Variants in ERBB4 observed in about 807,000 individuals in gnomAD.
ERBB4 encodes receptor tyrosine-protein kinase erbB-4.
Under a neutral mutation model 158.0 loss-of-function variants are expected in ERBB4, and 42 were observed. The ratio of observed to expected loss-of-function variants is 0.27; its 90% CI spans 0.21 to 0.34. The LOEUF (loss-of-function observed/expected upper bound fraction) is 0.34. ERBB4 is among the 10% of genes least tolerant of loss of function. The pLI, the probability that ERBB4 is intolerant of heterozygous loss-of-function variation, is 1.00. For missense variants in ERBB4, 1,333 were observed against 1,624.1 expected (o/e 0.82, Z 3.08); for synonymous variants, 583 against 558.7 (o/e 1.04, Z -0.61).
At chr2:211,483,425 TGTAA>T (rs2065131765) in intron 20 of ERBB4, among the ~76,000 whole-genome samples, 1 of 152,152 alleles carries the variant, frequency 6.6e-6, no homozygotes, top group South Asian at 2.1e-4. Flanking sequence ...AATTGCTTAA[TGTAA>T]GTAATAAAGA....
At chr2:211,920,208 C>T (rs560536821) in intron 3 of ERBB4, among the ~76,000 whole-genome samples, 1 of 152,086 alleles carries the variant, frequency 6.6e-6, no homozygotes, top group Non-Finnish European at 1.5e-5. Context: ...ATATGTCCAT[C>T]TCTGAAACAG....
At chr2:212,372,641 C>T (rs572545790) in intron 1 of ERBB4, among the ~76,000 whole-genome samples, 1 of 152,052 alleles carries the variant, frequency 6.6e-6, no homozygotes, top group Non-Finnish European at 1.5e-5. Flanking sequence ...CCCAGGTACT[C>T]GGGAGGCTGA....
At chr2:211,411,028 C>T (rs112692572) in intron 25 of ERBB4, among the ~76,000 whole-genome samples, 9,564 of 152,256 alleles carry the variant, frequency 0.063, 351 homozygotes, top group African/African-American at 0.1. Context: ...CTTGCCTCAG[C>T]CTCCTGAGTA....
At chr2:211,612,448 C>G (rs998953959) in intron 19 of ERBB4, among the ~76,000 whole-genome samples, 3 of 151,554 alleles carry the variant, frequency 2.0e-5, no homozygotes, top group African/African-American at 7.3e-5. Flanking sequence ...TTTCTGAGTA[C>G]TATTAGTAAG....
chr2:212,101,824 C>A (rs574955093), intron 2 of ERBB4, among the ~76,000 whole-genome samples: 3 of 151,642 alleles, frequency 2.0e-5, no homozygotes, highest in Non-Finnish European at 4.4e-5. Flanking sequence ...CTTCCTCTCC[C>A]GCTGGAAGCT....
intron 20 of ERBB4, among the ~76,000 whole-genome samples, chr2:211,538,830 T>C (rs1413442504): frequency 6.6e-6 from 1 of 151,840 alleles, no homozygotes; most frequent in Non-Finnish European, 1.5e-5. Flanking sequence ...AATATGAATA[T>C]GTGTATGTTG....
chr2:211,438,065 A>C (rs946039509), intron 20 of ERBB4, among the ~76,000 whole-genome samples: 2 of 152,208 alleles, frequency 1.3e-5, no homozygotes, highest in Admixed American at 1.3e-4. Flanking sequence ...AAGCTGGTTC[A>C]TGGCAGAATA....
intron 2 of ERBB4, among the ~76,000 whole-genome samples, chr2:211,953,493 A>G (rs938985121): frequency 6.6e-6 from 1 of 151,022 alleles, no homozygotes; most frequent in African/African-American, 2.4e-5. Context: ...AAAAAGAAGA[A>G]GAAGAATGCC....
chr2:212,352,971 A>T (rs968654872), intron 1 of ERBB4, among the ~76,000 whole-genome samples: 1 of 152,134 alleles, frequency 6.6e-6, no homozygotes, highest in Non-Finnish European at 1.5e-5. Context: ...CTCTAAACCA[A>T]CGAAAATGAA....
intron 1 of ERBB4, among the ~76,000 whole-genome samples, chr2:212,272,176 G>T (rs2085366418): frequency 6.6e-6 from 1 of 151,436 alleles, no homozygotes; most frequent in Admixed American, 6.6e-5. Flanking sequence ...ATTTATATCT[G>T]CCTGTATATT....
intron 1 of ERBB4, among the ~76,000 whole-genome samples, chr2:212,324,821 A>C (rs1415536876): frequency 6.6e-6 from 1 of 150,380 alleles, no homozygotes; most frequent in Non-Finnish European, 1.5e-5. Flanking sequence ...GAATTTATGG[A>C]AGATGAACTT....
At position 212,166,494 on chromosome 2, in the gene ERBB4, G is replaced by A. The variant is rs978400209; in HGVS notation, c.83-41591C>T. Among the ~76,000 whole-genome samples, 35 of 151,158 alleles carry A rather than the reference G, an allele frequency of 2.3e-4. 1 individual carries two copies. Among genetic ancestry groups the A allele is most frequent in the Admixed American group, 1.8e-3 (28 of 15,136 alleles). On this transcript the variant is annotated intron_variant, in intron 1 of 27. Coordinates refer to ENST00000342788, the MANE Select transcript of ERBB4 (RefSeq NM_005235.3). Reference sequence around the variant, plus strand: ...CATGGATAGGAAGAATCGGTCTCATGAAAATGGTTATACTGCCCAAAGTAA... The same window carrying A: ...CATGGATAGGAAGAATCGGTCTCATAAAAATGGTTATACTGCCCAAAGTAA...
Position 211,384,070 on chromosome 2 carries a change from T to TA in ERBB4, c.3482-11dup, listed in dbSNP as rs781195111. The TA allele has an allele frequency of 1.9e-6, 3 of 1,597,286 alleles. No individual in the cohort carries two copies. The South Asian group carries it at 3.3e-5, about 18-fold the overall frequency. On this transcript the variant is annotated splice_polypyrimidine_tract_variant and intron_variant, in intron 27 of 27. Transcript: ENST00000342788. ...ACTGGATTCAGGTATTCTAAAGGAA[T>TA]AAAAAAATATCAGCTAACCTCTAGT...
intron 2 of ERBB4, among the ~76,000 whole-genome samples, chr2:212,005,553 T>C (rs867867885): frequency 2.9e-4 from 44 of 152,256 alleles, no homozygotes; most frequent in African/African-American, 1.0e-3. Flanking sequence ...AAGCAAAGTA[T>C]AAATTCGTCA....
intron 1 of ERBB4, among the ~76,000 whole-genome samples, chr2:212,486,578 G>A (rs987890849): frequency 6.6e-6 from 1 of 152,142 alleles, no homozygotes; most frequent in Admixed American, 6.6e-5. Context: ...TTACTGTAAT[G>A]TATTAATGAT....
intron 1 of ERBB4, among the ~76,000 whole-genome samples, chr2:212,464,506 G>C (rs1054044678): frequency 4.6e-5 from 7 of 152,024 alleles, no homozygotes; most frequent in African/African-American, 1.4e-4. Context: ...TAACATGGGA[G>C]TGCCAGTTTA....
intron 1 of ERBB4, among the ~76,000 whole-genome samples, chr2:212,335,662 A>G (rs1057244199): frequency 6.6e-6 from 1 of 152,054 alleles, no homozygotes; most frequent in Non-Finnish European, 1.5e-5. Context: ...TAACCACAGC[A>G]ATCAGATTTT....
chr2:212,141,809 T>C (rs904250951), intron 1 of ERBB4, among the ~76,000 whole-genome samples: 2 of 152,194 alleles, frequency 1.3e-5, no homozygotes, highest in African/African-American at 4.8e-5. Flanking sequence ...TTCCATCTGA[T>C]GTCCCTGCTT....
rs762972823 is a variant in ERBB4, at chr2:212,325,811, G to A, written c.83-200908C>T. On this transcript the variant is annotated intron_variant, in intron 1 of 27. Transcript: ENST00000342788. ...TGGAGTATCATTACTAACCAAAGGT[G>A]CACTTTTGGGTTGGGGGAGAGGTGT... is the stretch of plus-strand genomic sequence containing the variant. 1.2e-4 allele frequency among the ~76,000 whole-genome samples: 18 copies of A among 150,576 alleles called. 1 individual carries two copies. Among genetic ancestry groups the A allele is most frequent in the Admixed American group, 2.0e-4 (3 of 15,072 alleles).
Sources: allele counts gnomAD v4.1 joint callset (sites outside exome capture counted in the v4.1 genomes callset), GRCh38; gene constraint gnomAD v4.1.1; transcripts MANE v1.5; gene names NCBI Gene and HGNC (gene_info 2026-07-23, HGNC 2026-07-21).